UNC45B: variants seen among roughly 807,000 people sequenced by gnomAD.
UNC45B encodes the protein protein unc-45 homolog B.
UNC45B carries 78 observed loss-of-function variants against 98.7 expected under a neutral mutation model. That is an observed-to-expected ratio of 0.79 (90% confidence interval 0.66 to 0.95). The LOEUF is 0.95. UNC45B is among the 40% of genes least tolerant of loss of function. The pLI, the probability that UNC45B is intolerant of heterozygous loss-of-function variation, is 0.00. For missense variants in UNC45B, 1,225 were observed against 1,184.9 expected (o/e 1.03, Z -0.50); for synonymous variants, 462 against 480.4 (o/e 0.96, Z 0.50).
In UNC45B at chr17:35,177,096, T is replaced by C. The variant is rs1400907917; in HGVS notation, c.2105T>C (p.Val702Ala). ...AAHALAKIAA[V>A]SNPDIAFPGE... Reference sequence around the variant, plus strand: ...CACGCTCTAGCAAAGATCGCTGCTGTCTCCAATCCGGACATTGCTTTTCCT... The same window carrying C: ...CACGCTCTAGCAAAGATCGCTGCTGCCTCCAATCCGGACATTGCTTTTCCT... The change falls in exon 16 of 20, where the codon GTC (valine) becomes GCC (alanine). Residue 702 changes from valine (V) to alanine (A), a missense_variant. Transcript: ENST00000394570. 1.9e-6 allele frequency: 3 copies of C among 1,614,068 alleles called. No individual in the cohort carries two copies. In the African/African-American group the frequency reaches 4.0e-5, roughly 22 times the overall value.
In UNC45B at chr17:35,186,400, T is replaced by A. The variant is rs758159080; in HGVS notation, c.2631T>A (p.Asp877Glu). The change falls in exon 20 of 20, where the codon GAT becomes GAA. Residue 877 changes from aspartate to glutamate, a missense_variant. By Grantham distance (45) the Asp-to-Glu change is conservative. Transcript: ENST00000394570. ...LVIAYNLLAA[D>E]AELAKKLVES... ...TTGCCTACAACCTACTGGCAGCCGA[T>A]GCTGAGCTGGCCAAGAAGCTGGTGG... is the stretch of plus-strand genomic sequence containing the variant. The A allele has an allele frequency of 1.9e-6, 3 of 1,614,068 alleles. No homozygotes were observed. The East Asian group carries it at 6.7e-5, about 36-fold the overall frequency.
Position 35,168,161 on chromosome 17 carries a change from G to A in UNC45B, c.1252G>A (p.Gly418Arg), listed in dbSNP as rs779686300. 23 of 1,606,830 alleles carry A rather than the reference G, an allele frequency of 1.4e-5. No homozygotes were observed. The highest frequency in any genetic ancestry group is 1.7e-4 in the Middle Eastern group (1 of 6,028). Residue 418 changes from glycine (G) to arginine (R), a missense_variant, in exon 10 of 20, where the codon GGA becomes AGA. Gly to Arg is a moderately radical substitution (Grantham distance 125). Transcript: ENST00000394570. Reference protein sequence around the residue: ...GPFDLGNQLLGLKGVMEMMVA... With the variant: ...GPFDLGNQLLRLKGVMEMMVA... Reference sequence around the variant, plus strand: ...CTTTGACCTGGGCAACCAGCTGCTGGGACTGAAAGGTGTGATGGAGATGAT... The same window carrying A: ...CTTTGACCTGGGCAACCAGCTGCTGAGACTGAAAGGTGTGATGGAGATGAT...
Position 35,186,578 on chromosome 17 carries a change from GCTGGGAGTGGTC to G in UNC45B, c.*23_*34del, listed in dbSNP as rs2092305944. 1 of 1,613,018 alleles carries G rather than the reference GCTGGGAGTGGTC, an allele frequency of 6.2e-7. No homozygotes were observed. Among genetic ancestry groups the G allele is most frequent in the African/African-American group, 1.3e-5 (1 of 74,938 alleles). On this transcript the variant is annotated 3_prime_UTR_variant, in exon 20 of 20. Transcript: ENST00000394570. ...GTCTTAGACAGCGACCCTCAGGGATGCTGGGAGTGGTCCTGTACTGTGCAGAGTCCTGGGTTG... is the reference window on the plus strand; with the variant it reads ...GTCTTAGACAGCGACCCTCAGGGATGCTGTACTGTGCAGAGTCCTGGGTTG...
rs2092314604 is a variant in UNC45B, at chr17:35,188,143, A to C, written c.*1584A>C. On this transcript the variant is annotated 3_prime_UTR_variant, in exon 20 of 20. Coordinates refer to ENST00000394570, the MANE Select transcript of UNC45B (RefSeq NM_001267052.2). Reference sequence around the variant, plus strand: ...CACTAATGGTCTTTACATACAGCCTACATTTTAACTAACTCTTGCATGGGC... The same window carrying C: ...CACTAATGGTCTTTACATACAGCCTCCATTTTAACTAACTCTTGCATGGGC... 1 of 152,236 alleles carries C rather than the reference A, an allele frequency of 6.6e-6. No individual in the cohort carries two copies. Among genetic ancestry groups the C allele is most frequent in the Non-Finnish European group, 1.5e-5 (1 of 68,044 alleles). The allele number at this position is 152,236 out of a possible 1,614,324, so 9.4% of individuals were successfully genotyped here.
intron 10 of UNC45B, among the ~76,000 whole-genome samples, chr17:35,169,160 C>T (rs913342059): frequency 3.9e-5 from 6 of 152,084 alleles, no homozygotes; most frequent in African/African-American, 1.4e-4. Flanking sequence ...CTGCCTCAGC[C>T]TCCCAAGTAG....
chr17:35,164,793 C>T (rs2092126638), intron 9 of UNC45B: 1 of 152,192 alleles, frequency 6.6e-6, no homozygotes. Context: ...ACAATCATAG[C>T]TCACTGCAGC....
intron 4 of UNC45B, 135 bp from the exon 5 acceptor site, chr17:35,152,758 C>T (rs997302159): frequency 1.1e-5 from 8 of 743,116 alleles, no homozygotes; most frequent in South Asian, 2.9e-5. Flanking sequence ...AAATGTTTGT[C>T]GAATGAATAC....
rs544773538 is a variant in UNC45B at position 35,155,380 on chromosome 17, T to G, written c.724T>G (p.Cys242Gly). The part of the protein sequence containing the change: ...VENEEMSLAV[C>G]NLLQAIIDSL... ...GAATGAGGAGATGTCTCTGGCTGTCTGCAACCTGCTCCAAGCCATCATTGA... is the reference window on the plus strand; with the variant it reads ...GAATGAGGAGATGTCTCTGGCTGTCGGCAACCTGCTCCAAGCCATCATTGA... Residue 242 changes from cysteine to glycine, a missense_variant, in exon 7 of 20, where the codon TGC becomes GGC. Coordinates refer to ENST00000394570, the MANE Select transcript of UNC45B (RefSeq NM_001267052.2). 3 of 1,614,202 alleles carry G rather than the reference T, an allele frequency of 1.9e-6. No individual in the cohort carries two copies. In the African/African-American group the frequency reaches 4.0e-5, roughly 22 times the overall value.
At chr17:35,161,036 A>G (rs1364368460) in intron 8 of UNC45B, among the ~76,000 whole-genome samples, 2 of 152,122 alleles carry the variant, frequency 1.3e-5, no homozygotes, top group Non-Finnish European at 2.9e-5. Flanking sequence ...TTAACACATT[A>G]CCCTACTGCT....
chr17:35,169,766 G>T, intron 10 of UNC45B, 71 bp from the exon 11 acceptor site: 2 of 1,382,560 alleles, frequency 1.4e-6, no homozygotes, highest in South Asian at 1.2e-5. Flanking sequence ...AAACCTGTTT[G>T]AGCAAGGCTT....
chr17:35,160,599 C>T (rs981115643), intron 8 of UNC45B, among the ~76,000 whole-genome samples: 4 of 152,110 alleles, frequency 2.6e-5, no homozygotes, highest in African/African-American at 7.2e-5. Flanking sequence ...ACCATCATGC[C>T]GGGCTAATGT....
chr17:35,166,107 A>AAAAAAAAAAAAG (rs1567760467), intron 9 of UNC45B, among the ~76,000 whole-genome samples: 1 of 148,416 alleles, frequency 6.7e-6, no homozygotes, highest in Non-Finnish European at 1.5e-5. Flanking sequence ...AAAAAAAAAA[A>AAAAAAAAAAAAG]AAAATTAAAA....
chr17:35,183,311 G>A (rs1420385795), intron 18 of UNC45B, 116 bp from the exon 19 acceptor site: 1 of 1,207,978 alleles, frequency 8.3e-7, no homozygotes, highest in South Asian at 3.1e-5. Context: ...TGAGTGACCT[G>A]CTCAAAGGGA....
rs141358972 is a variant in UNC45B, at chr17:35,150,093, G to T, written c.251G>T (p.Cys84Phe). Residue 84 changes from cysteine (C) to phenylalanine (F), a missense_variant, in exon 4 of 20, where the codon TGC becomes TTC. Cys to Phe is a radical substitution (Grantham distance 205). Coordinates refer to ENST00000394570, the MANE Select transcript of UNC45B (RefSeq NM_001267052.2). Reference protein sequence around the residue: ...SSDIKALYRRCQALEHLGKLD... With the variant: ...SSDIKALYRRFQALEHLGKLD... Reference sequence around the variant, plus strand: ...GACATCAAGGCTCTGTATCGGCGATGCCAGGCACTGGAGCACCTGGGGAAG... The same window carrying T: ...GACATCAAGGCTCTGTATCGGCGATTCCAGGCACTGGAGCACCTGGGGAAG... 2.5e-5 allele frequency: 40 copies of T among 1,613,168 alleles called. No homozygotes were observed. The African/African-American group carries it at 4.1e-4, about 17-fold the overall frequency.
At position 35,163,947 on chromosome 17, in the gene UNC45B, G is replaced by A. The variant is rs771429052; in HGVS notation, c.980-48G>A. 92 of 1,545,770 alleles carry A rather than the reference G, an allele frequency of 6.0e-5. 1 individual carries two copies. In the South Asian group the frequency reaches 1.1e-3, roughly 19 times the overall value. On this transcript the variant is annotated intron_variant, in intron 8 of 19. Coordinates refer to ENST00000394570, the MANE Select transcript of UNC45B (RefSeq NM_001267052.2). ...GTCACTGAGTGAGGGGTGTGTGTGA[G>A]GATGGAGCCCAGCAGGAATCTTAGG...
Position 35,186,463 on chromosome 17 carries a change from A to G in UNC45B, c.2694A>G (p.Lys898=), listed in dbSNP as rs768936772. The G allele has an allele frequency of 5.0e-6, 8 of 1,614,214 alleles. No homozygotes were observed. The Admixed American group carries it at 1.3e-4, about 27-fold the overall frequency. Residue 898 remains lysine, a synonymous_variant, in exon 20 of 20, where the codon AAA becomes AAG. Transcript: ENST00000394570. ...ELLEILTVVG[K]QEPDEKKAEV... ...TGGAGATCCTGACTGTGGTGGGCAA[A>G]CAGGAGCCAGATGAGAAGAAGGCAG...
At chr17:35,182,175 C>T (rs1251707141) in intron 18 of UNC45B, among the ~76,000 whole-genome samples, 16 of 151,582 alleles carry the variant, frequency 1.1e-4, no homozygotes, top group African/African-American at 3.6e-4. Flanking sequence ...CTGCAACCTC[C>T]GCCTCCTGGG....
At chr17:35,160,446 A>C (rs981050018) in intron 8 of UNC45B, among the ~76,000 whole-genome samples, 2 of 151,832 alleles carry the variant, frequency 1.3e-5, no homozygotes, top group Non-Finnish European at 2.9e-5. Context: ...CTATCTATTT[A>C]TTTCTTTTTA....
At chr17:35,167,914 T>A (rs972611152) in intron 9 of UNC45B, 147 bp from the exon 10 acceptor site, 2 of 603,410 alleles carry the variant, frequency 3.3e-6, no homozygotes, top group Non-Finnish European at 5.0e-6. Context: ...GAGCTGAGGC[T>A]CAGAGAGGTT....
Sources: gnomAD v4.1 joint callset for allele counts (sites outside exome capture counted in the v4.1 genomes callset) on GRCh38, gnomAD v4.1.1 for gene constraint, MANE v1.5 for transcripts, NCBI Gene and HGNC (gene_info 2026-07-23, HGNC 2026-07-21) for gene names.